The following BMPR1B variants were observed in gnomAD, a reference collection of about 807,000 sequenced individuals.
BMPR1B encodes the protein bone morphogenetic protein receptor type-1B.
In BMPR1B, 12 loss-of-function variants were observed where a neutral mutation model predicts 59.1. The ratio of observed to expected loss-of-function variants is 0.20; its 90% CI spans 0.13 to 0.33. BMPR1B has a LOEUF of 0.33. Among genes scored for constraint, BMPR1B ranks in the 10% least tolerant of loss-of-function variants. The probability of loss-of-function intolerance (pLI) is 1.00; values close to 1 mark genes in which losing one functional copy is unlikely to be tolerated. For synonymous variants in BMPR1B, 237 were observed against 207.3 expected (o/e 1.14, Z -1.23); for missense variants, 550 against 610.9 (o/e 0.90, Z 1.05).
chr4:94,930,659 A>C (rs1729063498), intron 2 of BMPR1B, among the ~76,000 whole-genome samples: 2 of 152,234 alleles, frequency 1.3e-5, no homozygotes, highest in African/African-American at 4.8e-5. Context: ...CTGCCTAGTG[A>C]GAAGTTTACA....
At chr4:94,784,708 C>G (rs1181968953) in intron 1 of BMPR1B, among the ~76,000 whole-genome samples, 1 of 152,144 alleles carries the variant, frequency 6.6e-6, no homozygotes, top group Admixed American at 6.5e-5. Flanking sequence ...CAGTTGATTT[C>G]TCTGCCCAGA....
intron 1 of BMPR1B, among the ~76,000 whole-genome samples, chr4:94,812,588 T>C (rs1190505124): frequency 2.0e-5 from 3 of 152,134 alleles, no homozygotes; most frequent in Admixed American, 6.6e-5. Flanking sequence ...ATTATATCAA[T>C]GAGATAATCA....
At chr4:94,941,407 G>A (rs1729505796) in intron 2 of BMPR1B, among the ~76,000 whole-genome samples, 1 of 151,228 alleles carries the variant, frequency 6.6e-6, no homozygotes, top group Admixed American at 6.6e-5. Flanking sequence ...ACTCCAGCCT[G>A]GGTGACAAGA....
intron 1 of BMPR1B, among the ~76,000 whole-genome samples, chr4:94,843,533 G>C (rs1033354950): frequency 1.3e-5 from 2 of 152,092 alleles, no homozygotes; most frequent in African/African-American, 2.4e-5. Context: ...TAGAACTGGA[G>C]TTCTTTTATT....
chr4:94,857,865 TTAA>T (rs1463854860), intron 1 of BMPR1B, among the ~76,000 whole-genome samples: 1 of 152,256 alleles, frequency 6.6e-6, no homozygotes, highest in Non-Finnish European at 1.5e-5. Context: ...AAACAATGTG[TTAA>T]TGACAAAAAT....
chr4:94,908,061 T>TCAAAAAAAAAAAAAAA (rs1728115989), intron 2 of BMPR1B, among the ~76,000 whole-genome samples: 1 of 46,254 alleles, frequency 2.2e-5, no homozygotes, highest in African/African-American at 7.2e-5. Flanking sequence ...ACCCTGTCTT[T>TCAAAAAAAAAAAAAAA]AAAAAAAAAA....
rs538454331 is a variant in BMPR1B, at chr4:94,822,698, G to A, written c.-182-53133G>A. Among the ~76,000 whole-genome samples, 14 of 152,222 alleles carry A rather than the reference G, an allele frequency of 9.2e-5. 1 individual carries two copies. In the South Asian group the frequency reaches 2.9e-3, roughly 32 times the overall value. ...GAGTCTCTAGCATGGCTTATTCAAA[G>A]TCACTGCCATAGACTTAGCACCCAG... On this transcript the variant is annotated intron_variant, in intron 1 of 12. Transcript: ENST00000515059.
intron 2 of BMPR1B, among the ~76,000 whole-genome samples, chr4:94,914,339 A>G (rs1285837715): frequency 6.6e-6 from 1 of 152,186 alleles, no homozygotes; most frequent in Non-Finnish European, 1.5e-5. Context: ...TTGGTTTTGT[A>G]ATATTGGGTT....
chr4:95,091,801 A>C (rs1415676321), intron 3 of BMPR1B, among the ~76,000 whole-genome samples: 1 of 152,074 alleles, frequency 6.6e-6, no homozygotes, highest in African/African-American at 2.4e-5. Context: ...ATTTTGTCTA[A>C]AAAAATTACA....
At position 95,056,939 on chromosome 4, in the gene BMPR1B, TAAC is replaced by T. The variant is rs1726973546; in HGVS notation, c.-17-47466_-17-47464del. Among the ~76,000 whole-genome samples the T allele has an allele frequency of 2.0e-5, 3 of 152,268 alleles. No individual in the cohort carries two copies. The South Asian group carries it at 6.2e-4, about 32-fold the overall frequency. ...AAGTGCCATTTAGTTAAGTTTTCCT[TAAC>T]AATCTAAATTAAATGAAACCCCTTT... On this transcript the variant is annotated intron_variant, in intron 3 of 12. Coordinates refer to ENST00000515059, the MANE Select transcript of BMPR1B (RefSeq NM_001203.3).
chr4:95,130,569 C>T (rs77503136), intron 9 of BMPR1B, among the ~76,000 whole-genome samples: 2,669 of 152,032 alleles, frequency 0.018, 77 homozygotes, highest in African/African-American at 0.06. Context: ...TATGTGTAAC[C>T]ATAATACCAT....
chr4:94,941,519 T>G (rs947764243), intron 2 of BMPR1B, among the ~76,000 whole-genome samples: 10 of 152,106 alleles, frequency 6.6e-5, no homozygotes, highest in Admixed American at 2.0e-4. Flanking sequence ...AAAATCAATA[T>G]TTTCTTTATA....
Position 94,913,381 on chromosome 4 carries a change from T to C in BMPR1B, c.-113+37481T>C, listed in dbSNP as rs371261425. On this transcript the variant is annotated intron_variant, in intron 2 of 12. Transcript: ENST00000515059. ...GAATTTCTGCCACCACTGATAGTTT[T>C]TTGATTTTGAAAAAGTCACTTCCTT... 1.9e-4 allele frequency among the ~76,000 whole-genome samples: 29 copies of C among 152,334 alleles called. No individual in the cohort carries two copies. In the South Asian group the frequency reaches 4.3e-3, roughly 23 times the overall value.
chr4:95,004,760 T>C (rs959969787), intron 3 of BMPR1B, among the ~76,000 whole-genome samples: 3 of 152,208 alleles, frequency 2.0e-5, no homozygotes, highest in Non-Finnish European at 2.9e-5. Context: ...TCTGTGTTTA[T>C]TGTAAGAGGC....
At chr4:95,085,908 AT>A (rs1479694750) in intron 3 of BMPR1B, among the ~76,000 whole-genome samples, 1 of 152,122 alleles carries the variant, frequency 6.6e-6, no homozygotes, top group Admixed American at 6.6e-5. Context: ...TATTAGGAAC[AT>A]TTGGCAAGAA....
Position 95,156,372 on chromosome 4 carries a change from T to G in BMPR1B, c.*1699T>G, listed in dbSNP as rs2149335100. ...CAGAATACTCCAGGGGGCAGTGTTT[T>G]ATAACACATTTTCCCCACTGGGTGA... On this transcript the variant is annotated 3_prime_UTR_variant, in exon 13 of 13. Coordinates refer to ENST00000515059, the MANE Select transcript of BMPR1B (RefSeq NM_001203.3). 1 of 152,164 alleles carries G rather than the reference T, an allele frequency of 6.6e-6. No homozygotes were observed. The highest frequency in any genetic ancestry group is 1.9e-4 in the East Asian group (1 of 5,182). 9.4% of individuals were successfully genotyped at this position (152,164 alleles called of 1,614,324 possible).
In BMPR1B at chr4:95,100,093, A is replaced by G. The variant is rs553309925; in HGVS notation, c.-17-4315A>G. ...CTGCTTGCTCCTGAAGTCCTATGCAATGTCTCATCTTATTATCCACATTTA... is the reference window on the plus strand; with the variant it reads ...CTGCTTGCTCCTGAAGTCCTATGCAGTGTCTCATCTTATTATCCACATTTA... On this transcript the variant is annotated intron_variant, in intron 3 of 12. Transcript: ENST00000515059. Among the ~76,000 whole-genome samples, 108 of 152,250 alleles carry G rather than the reference A, an allele frequency of 7.1e-4. 1 individual carries two copies. The highest frequency in any genetic ancestry group is 2.6e-3 in the African/African-American group (107 of 41,544).
intron 3 of BMPR1B, among the ~76,000 whole-genome samples, chr4:95,044,319 C>T (rs1725880199): frequency 6.6e-6 from 1 of 152,232 alleles, no homozygotes; most frequent in Non-Finnish European, 1.5e-5. Context: ...CCCCCTTCCT[C>T]TCCCTGAGTA....
intron 1 of BMPR1B, among the ~76,000 whole-genome samples, chr4:94,835,034 C>T (rs2148927640): frequency 6.6e-6 from 1 of 151,436 alleles, no homozygotes; most frequent in South Asian, 2.1e-4. Context: ...TTAATTTATG[C>T]AGCTTCTGGG....
Sources: gnomAD v4.1 joint callset for allele counts (sites outside exome capture counted in the v4.1 genomes callset) on GRCh38, gnomAD v4.1.1 for gene constraint, MANE v1.5 for transcripts, NCBI Gene and HGNC (gene_info 2026-07-23, HGNC 2026-07-21) for gene names.